PCDHA3: variants seen among roughly 807,000 people sequenced by gnomAD.
PCDHA3 encodes the protein protocadherin alpha 3.
A neutral mutation model predicts 62.2 loss-of-function variants in PCDHA3; 41 were observed. The observed-to-expected ratio is 0.66, with a 90% CI of 0.51 to 0.86. The LOEUF (loss-of-function observed/expected upper bound fraction) is 0.86, where lower values mean the gene tolerates loss of function less well. Ranked by LOEUF, PCDHA3 falls within the 40% of genes least tolerant of loss-of-function variation. The pLI, the probability that PCDHA3 is intolerant of heterozygous loss-of-function variation, is 0.00. For synonymous variants in PCDHA3, 640 were observed against 555.4 expected, an observed-to-expected ratio of 1.15 and a Z score of -2.14; for missense variants, 1,304 against 1,241.2, an observed-to-expected ratio of 1.05 and a Z score of -0.76.
intron 1 of PCDHA3, chr5:140,930,415 G>T (rs2086824319): frequency 6.6e-6 from 1 of 151,804 alleles, no homozygotes; most frequent in African/African-American, 2.4e-5. Flanking sequence ...TGAGACAGGG[G>T]TCTCACTATG....
At chr5:140,926,899 G>A (rs1554203765) in intron 1 of PCDHA3, 2 of 1,552,028 alleles carry the variant, frequency 1.3e-6, no homozygotes, top group Non-Finnish European at 1.7e-6. Context: ...GAGGATGGTG[G>A]GCTGTGGGGT....
chr5:140,967,810 C>T, intron 1 of PCDHA3: 1 of 1,614,176 alleles, frequency 6.2e-7, no homozygotes, highest in Non-Finnish European at 8.5e-7. Context: ...TGGCAGGTCA[C>T]TGCAAGGTGC....
chr5:140,911,405 C>T (rs565928237), intron 1 of PCDHA3, among the ~76,000 whole-genome samples: 45 of 152,276 alleles, frequency 3.0e-4, no homozygotes, highest in South Asian at 1.5e-3. Flanking sequence ...AGGTCAGCCA[C>T]TGGTATGATA....
intron 1 of PCDHA3, chr5:140,967,112 C>G: frequency 6.2e-7 from 1 of 1,612,994 alleles, no homozygotes; most frequent in Non-Finnish European, 8.5e-7. Context: ...GCAGCGGCCT[C>G]GCTGCCTGCT....
At chr5:140,859,289 A>G (rs2045796105) in intron 1 of PCDHA3, 1 of 129,084 alleles carries the variant, frequency 7.7e-6, no homozygotes, top group African/African-American at 2.7e-5. Context: ...GAGACTGAAA[A>G]TACTTTAGTA....
At position 140,828,217 on chromosome 5, in the gene PCDHA3, C is replaced by T. The variant is rs2150152488; in HGVS notation, c.2394+24626C>T. Reference sequence around the variant, plus strand: ...CCGTACCCGAGGAGGCCAAACACGGCACCTTCGTGGGCCGGATCGCGCAGG... The same window carrying T: ...CCGTACCCGAGGAGGCCAAACACGGTACCTTCGTGGGCCGGATCGCGCAGG... On this transcript the variant is annotated intron_variant, in intron 1 of 3. Transcript: ENST00000522353. 2.5e-6 allele frequency: 4 copies of T among 1,613,910 alleles called. No individual in the cohort carries two copies. In the African/African-American group the frequency reaches 5.3e-5, roughly 22 times the overall value.
In PCDHA3 at chr5:140,801,915, C is replaced by T. The variant is rs782045551; in HGVS notation, c.718C>T (p.Pro240Ser). Reference sequence around the variant, plus strand: ...TGTTTTAGATGTAAACGACAACGCCCCAGCGTTTGAGAGGACGATCTATAA... The same window carrying T: ...TGTTTTAGATGTAAACGACAACGCCTCAGCGTTTGAGAGGACGATCTATAA... ...ITVLDVNDNA[P>S]AFERTIYKVR... The change falls in exon 1 of 4, where the codon CCA becomes TCA. Residue 240 changes from proline (P) to serine (S), a missense_variant. Pro to Ser is a moderately conservative substitution (Grantham distance 74). Transcript: ENST00000522353. 1.9e-6 allele frequency: 3 copies of T among 1,614,120 alleles called. No homozygotes were observed. The highest frequency in any genetic ancestry group is 3.3e-5 in the Admixed American group (2 of 60,018).
At chr5:140,841,345 G>A in intron 1 of PCDHA3, 2 of 1,612,666 alleles carry the variant, frequency 1.2e-6, no homozygotes, top group East Asian at 2.2e-5. Flanking sequence ...GGCGAGGAGA[G>A]CTGGGATCCT....
chr5:140,994,377 G>T (rs1260163825), intron 3 of PCDHA3, among the ~76,000 whole-genome samples: 3 of 152,098 alleles, frequency 2.0e-5, no homozygotes, highest in Non-Finnish European at 4.4e-5. Context: ...GGAAATTCAG[G>T]GGACTAAGTC....
chr5:140,823,533 G>A (rs1472583465), intron 1 of PCDHA3: 10 of 1,613,648 alleles, frequency 6.2e-6, no homozygotes, highest in Middle Eastern at 1.7e-4. Flanking sequence ...CAGTGGGTGC[G>A]GGCCACGTGG....
Position 140,835,426 on chromosome 5 carries a change from C to A in PCDHA3, c.2394+31835C>A, listed in dbSNP as rs1773631354. On this transcript the variant is annotated intron_variant, in intron 1 of 3. Transcript: ENST00000522353. ...GTTGTGGATGTAAATGACAATGCTC[C>A]ACAGTTGACTCTCACTTCCCTGTCT... 7 of 1,613,914 alleles carry A rather than the reference C, an allele frequency of 4.3e-6. No individual in the cohort carries two copies. In the East Asian group the frequency reaches 1.6e-4, roughly 36 times the overall value.
intron 1 of PCDHA3, chr5:140,805,020 T>C: frequency 3.2e-6 from 5 of 1,570,898 alleles, no homozygotes; most frequent in Non-Finnish European, 4.3e-6. Flanking sequence ...TATCAGCTTC[T>C]TGAATATAAT....
At chr5:140,869,062 T>A (rs370962991) in intron 1 of PCDHA3, 2 of 1,558,588 alleles carry the variant, frequency 1.3e-6, no homozygotes, top group African/African-American at 2.7e-5. Context: ...TCTGGTACTG[T>A]AAGTGTAAAG....
intron 1 of PCDHA3, among the ~76,000 whole-genome samples, chr5:140,935,203 A>T (rs1403808889): frequency 6.6e-6 from 1 of 152,160 alleles, no homozygotes; most frequent in African/African-American, 2.4e-5. Flanking sequence ...GTTTCTAGGT[A>T]TCTTCAGCTA....
chr5:140,853,275 T>C lies in PCDHA3; in HGVS notation c.2394+49684T>C, dbSNP rs144030935. On this transcript the variant is annotated intron_variant, in intron 1 of 3. Coordinates refer to ENST00000522353, the MANE Select transcript of PCDHA3 (RefSeq NM_018906.3). The stretch of plus-strand genomic sequence containing the variant: ...TTCTCTCTCAGAGTACAAGCTCTCA[T>C]CATATGCAAATTCTCAGAAGGGCTG... The C allele has an allele frequency of 8.2e-6, 8 of 978,484 alleles. No homozygotes were observed. The East Asian group carries it at 9.1e-4, about 111-fold the overall frequency. The allele number at this position is 978,484 out of a possible 1,614,324, so 60.6% of individuals were successfully genotyped here. A position where few individuals can be genotyped will look rare whatever the true frequency, so the allele number is the denominator to read the frequency against.
At chr5:140,965,496 ATT>A (rs71766133) in intron 1 of PCDHA3, among the ~76,000 whole-genome samples, 87 of 146,352 alleles carry the variant, frequency 5.9e-4, no homozygotes, top group Middle Eastern at 3.6e-3. Context: ...ATGACAGCAG[ATT>A]TTTTTTTTTT....
intron 1 of PCDHA3, among the ~76,000 whole-genome samples, chr5:140,943,553 CAAT>C (rs1554215748): frequency 6.6e-6 from 1 of 152,026 alleles, no homozygotes; most frequent in East Asian, 1.9e-4. Context: ...TAGACGTAGA[CAAT>C]AATCATTTTA....
In PCDHA3 at chr5:140,877,394, A is replaced by G. The variant is rs538259450; in HGVS notation, c.2394+73803A>G. 5.6e-6 allele frequency: 9 copies of G among 1,613,930 alleles called. No individual in the cohort carries two copies. In the South Asian group the frequency reaches 8.8e-5, roughly 16 times the overall value. On this transcript the variant is annotated intron_variant, in intron 1 of 3. Transcript: ENST00000522353. ...ACGACACGCATCCTGGATGAGGCGG[A>G]CGCTCCGCGCCACCGCCTGCTGGTG... is the stretch of plus-strand genomic sequence containing the variant.
chr5:140,927,933 C>G (rs1273187123), intron 1 of PCDHA3: 2 of 1,614,208 alleles, frequency 1.2e-6, no homozygotes, highest in East Asian at 4.5e-5. Context: ...CTCTTTCGAA[C>G]CCAGTACCTG....
Sources: gnomAD v4.1 joint callset for allele counts (sites outside exome capture counted in the v4.1 genomes callset) on GRCh38, gnomAD v4.1.1 for gene constraint, MANE v1.5 for transcripts, NCBI Gene and HGNC (gene_info 2026-07-23, HGNC 2026-07-21) for gene names.